ROR2: variants seen among roughly 807,000 people sequenced by gnomAD.
ROR2 encodes the protein tyrosine-protein kinase transmembrane receptor ROR2.
A neutral mutation model predicts 74.9 loss-of-function variants in ROR2; 33 were observed. The observed-to-expected ratio is 0.44, with a 90% CI of 0.33 to 0.59. ROR2 has a LOEUF of 0.59. Among genes scored for constraint, ROR2 ranks in the 20% least tolerant of loss-of-function variants. ROR2 has a pLI of 0.02. For synonymous variants in ROR2, 586 were observed against 558.7 expected, an observed-to-expected ratio of 1.05 and a Z score of -0.69; for missense variants, 1,216 against 1,313.8, an observed-to-expected ratio of 0.93 and a Z score of 1.15.
chr9:91,815,176 T>C (rs1288203431), intron 1 of ROR2, among the ~76,000 whole-genome samples: 2 of 152,260 alleles, frequency 1.3e-5, no homozygotes, highest in East Asian at 1.9e-4. Context: ...ATATAGATTA[T>C]GTTTCAAGAA....
Position 91,935,880 on chromosome 9 carries a change from A to G in ROR2, c.97+13987T>C, listed in dbSNP as rs181511094. Among the ~76,000 whole-genome samples the G allele has an allele frequency of 5.9e-5, 9 of 152,386 alleles. No homozygotes were observed. The East Asian group carries it at 1.7e-3, about 29-fold the overall frequency. ...GACCCCCAGAGAGAAGGCCTTGGACACAGGACAGGATGCACAGAGGTGCCC... is the reference window on the plus strand; with the variant it reads ...GACCCCCAGAGAGAAGGCCTTGGACGCAGGACAGGATGCACAGAGGTGCCC... On this transcript the variant is annotated intron_variant, in intron 1 of 8. Coordinates refer to ENST00000375708, the MANE Select transcript of ROR2 (RefSeq NM_004560.4).
chr9:91,788,988 A>G (rs1030533593), intron 1 of ROR2, among the ~76,000 whole-genome samples: 2 of 152,128 alleles, frequency 1.3e-5, no homozygotes, highest in African/African-American at 2.4e-5. Context: ...GGGGAAGGAG[A>G]AGAAAGGATT....
intron 4 of ROR2, among the ~76,000 whole-genome samples, chr9:91,754,913 A>C (rs1825697649): frequency 6.6e-6 from 1 of 152,156 alleles, no homozygotes; most frequent in Non-Finnish European, 1.5e-5. Context: ...GTGATTTGGG[A>C]GGGCGAGACA....
At chr9:91,770,041 T>C (rs1826178907) in intron 2 of ROR2, among the ~76,000 whole-genome samples, 1 of 152,264 alleles carries the variant, frequency 6.6e-6, no homozygotes. Flanking sequence ...TGTGCATTTC[T>C]GCTGCACCGT....
At chr9:91,732,178 C>T (rs562705574) in intron 6 of ROR2, among the ~76,000 whole-genome samples, 9 of 152,270 alleles carry the variant, frequency 5.9e-5, no homozygotes, top group African/African-American at 1.4e-4. Context: ...GGAGCTGTGG[C>T]GGAGGTGGCC....
Position 91,757,673 on chromosome 9 carries a change from A to T in ROR2, c.176-114T>A. The T allele has an allele frequency of 2.6e-6, 3 of 1,142,856 alleles. 1 individual carries two copies. The South Asian group carries it at 4.0e-5, about 15-fold the overall frequency. 70.8% of individuals were successfully genotyped at this position (1,142,856 alleles called of 1,614,324 possible). A position where few individuals can be genotyped will look rare whatever the true frequency, so the allele number is the denominator to read the frequency against. ...GGGAAGGTTTCGATTTTTGTCACCT[A>T]CTAAAATAGGTTGTTATCTGCGGTA... is the stretch of plus-strand genomic sequence containing the variant. On this transcript the variant is annotated intron_variant, in intron 2 of 8. Coordinates refer to ENST00000375708, the MANE Select transcript of ROR2 (RefSeq NM_004560.4).
intron 1 of ROR2, among the ~76,000 whole-genome samples, chr9:91,799,581 G>T (rs892117584): frequency 6.6e-6 from 1 of 152,160 alleles, no homozygotes; most frequent in African/African-American, 2.4e-5. Flanking sequence ...GCCATGCAGA[G>T]CCTGCCTCTG....
Position 91,892,590 on chromosome 9 carries a change from C to CTT in ROR2, c.97+57275_97+57276dup, listed in dbSNP as rs547073635. Among the ~76,000 whole-genome samples the CTT allele has an allele frequency of 5.3e-4, 56 of 105,450 alleles. No individual in the cohort carries two copies. In the East Asian group the frequency reaches 6.1e-3, roughly 11 times the overall value. 69.2% of individuals were successfully genotyped at this position (105,450 alleles called of 152,430 possible). On this transcript the variant is annotated intron_variant, in intron 1 of 8. Coordinates refer to ENST00000375708, the MANE Select transcript of ROR2 (RefSeq NM_004560.4). ...ATTCTTTTTCTTTTTCTTTTCTTTT[C>CTT]TTTTTTTTTTTTTTTTTTCAGATGG...
Position 91,906,794 on chromosome 9 carries a change from G to C in ROR2, c.97+43073C>G, listed in dbSNP as rs148829675. Among the ~76,000 whole-genome samples the C allele has an allele frequency of 1.5e-4, 23 of 152,300 alleles. No homozygotes were observed. In the East Asian group the frequency reaches 4.4e-3, roughly 29 times the overall value. ...CATAGTTCTGCACCACGGACAGTCT[G>C]AGAAGCACCAAGGACTTCCAAGGTC... On this transcript the variant is annotated intron_variant, in intron 1 of 8. Coordinates refer to ENST00000375708, the MANE Select transcript of ROR2 (RefSeq NM_004560.4).
chr9:91,920,311 GCC>G (rs1288613332), intron 1 of ROR2, among the ~76,000 whole-genome samples: 1 of 152,172 alleles, frequency 6.6e-6, no homozygotes. Flanking sequence ...TTAATGATCA[GCC>G]CTGGCAACAT....
chr9:91,907,721 C>T (rs1041402128), intron 1 of ROR2, among the ~76,000 whole-genome samples: 3 of 152,194 alleles, frequency 2.0e-5, no homozygotes, highest in Non-Finnish European at 4.4e-5. Context: ...ATTCCTTAAA[C>T]AGAAGGCATA....
In ROR2 at chr9:91,852,004, C is replaced by T. The variant is rs1479134834; in HGVS notation, c.98-76186G>A. Among the ~76,000 whole-genome samples, 8 of 150,186 alleles carry T rather than the reference C, an allele frequency of 5.3e-5. No homozygotes were observed. In the South Asian group the frequency reaches 1.7e-3, roughly 32 times the overall value. ...AAAAAAAAAAAGACAATAGGGTTTT[C>T]TTCTCCAGTTAGTCTAATCTTCTTT... is the stretch of plus-strand genomic sequence containing the variant. On this transcript the variant is annotated intron_variant, in intron 1 of 8. Coordinates refer to ENST00000375708, the MANE Select transcript of ROR2 (RefSeq NM_004560.4).
chr9:91,762,909 T>C (rs1196861122), intron 2 of ROR2, among the ~76,000 whole-genome samples: 1 of 152,220 alleles, frequency 6.6e-6, no homozygotes, highest in African/African-American at 2.4e-5. Flanking sequence ...AGATGTCTTG[T>C]CCTGTGCATA....
rs558870342 is a variant in ROR2 at position 91,740,496 on chromosome 9, G to A, written c.495-2978C>T. ...GAACCCAGGAGGCGGAGCTTGCAGTGAGCCGAGAATACGCCACTGCACTCC... is the reference window on the plus strand; with the variant it reads ...GAACCCAGGAGGCGGAGCTTGCAGTAAGCCGAGAATACGCCACTGCACTCC... On this transcript the variant is annotated intron_variant, in intron 4 of 8. Coordinates refer to ENST00000375708, the MANE Select transcript of ROR2 (RefSeq NM_004560.4). 1.1e-4 allele frequency among the ~76,000 whole-genome samples: 16 copies of A among 151,022 alleles called. No homozygotes were observed. In the East Asian group the frequency reaches 2.9e-3, roughly 28 times the overall value.
At position 91,724,852 on chromosome 9, in the gene ROR2, G is replaced by T. The variant is rs35764413; in HGVS notation, c.1642C>A (p.Pro548Thr). ...CLLGVVTKDQ[P>T]LSMIFSYCSH... Reference sequence around the variant, plus strand: ...CAGTAGCTGAAGATCATGCTCAGGGGCTGGTCCTTGGTCACCACGCCCAGC... The same window carrying T: ...CAGTAGCTGAAGATCATGCTCAGGGTCTGGTCCTTGGTCACCACGCCCAGC... Residue 548 changes from proline to threonine, a missense_variant, in exon 9 of 9, where the codon CCC (proline) becomes ACC (threonine). By Grantham distance (38) the Pro-to-Thr change is conservative. Coordinates refer to ENST00000375708, the MANE Select transcript of ROR2 (RefSeq NM_004560.4). The T allele has an allele frequency of 3.7e-6, 6 of 1,602,716 alleles. No homozygotes were observed. The South Asian group carries it at 6.7e-5, about 18-fold the overall frequency.
chr9:91,909,823 C>CTTTTTTTTAGGTTTTT (rs1830907506), intron 1 of ROR2, among the ~76,000 whole-genome samples: 1 of 58,728 alleles, frequency 1.7e-5, no homozygotes, highest in African/African-American at 8.6e-5. Context: ...AATCTTTATT[C>CTTTTTTTTAGGTTTTT]TTTTTTTTTT....
At chr9:91,947,707 G>A (rs1024478950) in intron 1 of ROR2, among the ~76,000 whole-genome samples, 44 of 152,188 alleles carry the variant, frequency 2.9e-4, no homozygotes, top group African/African-American at 9.9e-4. Context: ...GTCATCAGAG[G>A]AAACAGAGTC....
At chr9:91,892,364 T>C (rs111642360) in intron 1 of ROR2, among the ~76,000 whole-genome samples, 7 of 152,232 alleles carry the variant, frequency 4.6e-5, no homozygotes, top group African/African-American at 1.7e-4. Context: ...GAACCCCAGT[T>C]CCTGGCACCC....
rs774317100 is a variant in ROR2, at chr9:91,724,116, G to A, written c.2378C>T (p.Ala793Val). ...GAACTGGGGCTGTGGGAAGGGCGGG[G>A]CCTTCTGCTTGGGCCCCACGTAGCG... ...NARYVGPKQK[A>V]PPFPQPQFIP... The change falls in exon 9 of 9, where the codon GCC (alanine) becomes GTC (valine). Residue 793 changes from alanine (A) to valine (V), a missense_variant. Transcript: ENST00000375708. 3.5e-5 allele frequency: 56 copies of A among 1,610,776 alleles called. No homozygotes were observed. The highest frequency in any genetic ancestry group is 4.7e-5 in the Non-Finnish European group (56 of 1,179,976).
Sources: allele counts gnomAD v4.1 joint callset (sites outside exome capture counted in the v4.1 genomes callset), GRCh38; gene constraint gnomAD v4.1.1; transcripts MANE v1.5; gene names NCBI Gene and HGNC (gene_info 2026-07-23, HGNC 2026-07-21).